Variants in KCNN2 observed in about 807,000 individuals in gnomAD.
KCNN2 encodes the protein small conductance calcium-activated potassium channel protein 2.
Under a neutral mutation model 55.5 loss-of-function variants are expected in KCNN2, and 24 were observed. The observed-to-expected ratio is 0.43, with a 90% CI of 0.31 to 0.61. The LOEUF is 0.61. KCNN2 is among the 20% of genes least tolerant of loss of function. The pLI is 0.08. For missense variants in KCNN2, 754 were observed against 853.6 expected, an observed-to-expected ratio of 0.88 and a Z score of 1.45; for synonymous variants, 431 against 336.1, an observed-to-expected ratio of 1.28 and a Z score of -3.09.
intron 1 of KCNN2, among the ~76,000 whole-genome samples, chr5:114,178,605 A>G (rs993330962): frequency 3.3e-5 from 5 of 152,148 alleles, no homozygotes; most frequent in African/African-American, 1.2e-4. Flanking sequence ...TAATTTTCCC[A>G]CTTCAATTCA....
At chr5:114,162,984 T>C (rs10036299) in intron 1 of KCNN2, among the ~76,000 whole-genome samples, 132,453 of 152,138 alleles carry the variant, frequency 0.87, 57,793 homozygotes, top group East Asian at 0.94. Flanking sequence ...CTTCGGCTCA[T>C]GCACGGTGCA....
At position 114,414,304 on chromosome 5, in the gene KCNN2, G is replaced by A. The variant is rs543444854; in HGVS notation, c.1637+9448G>A. ...TTTATAACCTTAGTCCATGTTAATG[G>A]ACTTGCTTACTATTATGAGAATTAA... On this transcript the variant is annotated intron_variant, in intron 3 of 7. Coordinates refer to ENST00000673685, the MANE Select transcript of KCNN2 (RefSeq NM_021614.4). 3.9e-5 allele frequency among the ~76,000 whole-genome samples: 6 copies of A among 152,184 alleles called. No individual in the cohort carries two copies. The South Asian group carries it at 1.2e-3, about 32-fold the overall frequency.
chr5:114,208,175 T>C (rs1294739677), intron 1 of KCNN2, among the ~76,000 whole-genome samples: 1 of 152,208 alleles, frequency 6.6e-6, no homozygotes, highest in African/African-American at 2.4e-5. Context: ...AAGTCAAGCA[T>C]ATATACAAAT....
At chr5:114,217,920 A>T (rs1204769325) in intron 1 of KCNN2, among the ~76,000 whole-genome samples, 2 of 152,194 alleles carry the variant, frequency 1.3e-5, no homozygotes, top group South Asian at 2.1e-4. Context: ...TGACCAAATT[A>T]AAAAAATGGG....
chr5:114,218,439 G>T (rs557594386), intron 1 of KCNN2, among the ~76,000 whole-genome samples: 1 of 152,288 alleles, frequency 6.6e-6, no homozygotes, highest in Admixed American at 6.5e-5. Flanking sequence ...GCCATGAAAG[G>T]AGGTGGAGAA....
At chr5:114,344,425 T>C (rs1757072227) in intron 2 of KCNN2, among the ~76,000 whole-genome samples, 1 of 152,154 alleles carries the variant, frequency 6.6e-6, no homozygotes, top group African/African-American at 2.4e-5. Flanking sequence ...CCTCTGGATG[T>C]GTTACCCTTT....
intron 1 of KCNN2, among the ~76,000 whole-genome samples, chr5:114,148,734 G>T (rs535702499): frequency 6.6e-6 from 1 of 152,236 alleles, no homozygotes; most frequent in African/African-American, 2.4e-5. Context: ...ACATATACAG[G>T]TTCCAAGATA....
At chr5:114,457,993 G>A (rs1357574748) in intron 3 of KCNN2, among the ~76,000 whole-genome samples, 1 of 152,184 alleles carries the variant, frequency 6.6e-6, no homozygotes, top group African/African-American at 2.4e-5. Flanking sequence ...CATCTTGGCT[G>A]AAAGCAAATT....
At position 114,320,061 on chromosome 5, in the gene KCNN2, G is replaced by T. The variant is rs1253305492; in HGVS notation, c.-184-40884G>T. Among the ~76,000 whole-genome samples the T allele has an allele frequency of 2.0e-5, 3 of 152,158 alleles. No individual in the cohort carries two copies. In the East Asian group the frequency reaches 5.8e-4, roughly 29 times the overall value. The stretch of plus-strand genomic sequence containing the variant: ...TACTCCACCATCTTTTTTTAAAATG[G>T]AAATTTTAACACATAAATAGAAACA... On this transcript the variant is annotated intron_variant, in intron 2 of 10. Coordinates refer to the KCNN2 transcript ENST00000512097.
chr5:114,262,133 C>A (rs555171937), intron 2 of KCNN2, among the ~76,000 whole-genome samples: 1 of 152,096 alleles, frequency 6.6e-6, no homozygotes, highest in Non-Finnish European at 1.5e-5. Context: ...TTGCTTGTGC[C>A]GATCTATATT....
At chr5:114,209,116 G>A (rs1032155320) in intron 1 of KCNN2, among the ~76,000 whole-genome samples, 1 of 151,692 alleles carries the variant, frequency 6.6e-6, no homozygotes, top group Admixed American at 6.6e-5. Context: ...GAGTGCAGTG[G>A]CACAATCCTG....
At chr5:114,409,656 G>A (rs1421854721) in intron 3 of KCNN2, among the ~76,000 whole-genome samples, 1 of 152,152 alleles carries the variant, frequency 6.6e-6, no homozygotes, top group Non-Finnish European at 1.5e-5. Context: ...GAAAGAGCTA[G>A]AGAAAAAGAG....
chr5:114,444,354 T>C (rs1177590234), intron 3 of KCNN2, among the ~76,000 whole-genome samples: 1 of 151,612 alleles, frequency 6.6e-6, no homozygotes, highest in African/African-American at 2.4e-5. Flanking sequence ...CTTCGGAATG[T>C]GAAGGACCAA....
intron 1 of KCNN2, among the ~76,000 whole-genome samples, chr5:114,201,258 C>G (rs1275762963): frequency 1.3e-5 from 2 of 151,948 alleles, no homozygotes; most frequent in Admixed American, 6.6e-5. Flanking sequence ...TCTCCTTTAT[C>G]CCTCCACTAA....
At chr5:114,487,010 C>T in intron 5 of KCNN2, 40 bp from the exon 6 acceptor site, 1 of 1,610,146 alleles carries the variant, frequency 6.2e-7, no homozygotes, top group Non-Finnish European at 8.5e-7. Context: ...AAGGATTCTG[C>T]TCTGGAATTT....
chr5:114,083,272 A>T (rs1370946853), intron 1 of KCNN2, among the ~76,000 whole-genome samples: 3 of 151,662 alleles, frequency 2.0e-5, no homozygotes, highest in African/African-American at 7.3e-5. Flanking sequence ...TATCTTTATT[A>T]TACCTCCTTT....
intron 2 of KCNN2, among the ~76,000 whole-genome samples, chr5:114,294,364 A>G (rs1755963125): frequency 1.3e-5 from 2 of 151,750 alleles, no homozygotes; most frequent in African/African-American, 2.4e-5. Context: ...ACTGCTTTGA[A>G]TGTGTCCCAG....
At chr5:114,325,140 G>A (rs545908380) in intron 2 of KCNN2, among the ~76,000 whole-genome samples, 124 of 152,262 alleles carry the variant, frequency 8.1e-4, no homozygotes, top group South Asian at 3.1e-3. Context: ...TCCAAATAAA[G>A]TGTTGAAGGT....
chr5:114,077,007 A>G (rs1750697464), intron 1 of KCNN2, among the ~76,000 whole-genome samples: 1 of 152,172 alleles, frequency 6.6e-6, no homozygotes, highest in African/African-American at 2.4e-5. Context: ...GAACTTTTTA[A>G]TAGTGATAAA....
Sources: gnomAD v4.1 joint callset for allele counts (sites outside exome capture counted in the v4.1 genomes callset) on GRCh38, gnomAD v4.1.1 for gene constraint, MANE v1.5 for transcripts, NCBI Gene and HGNC (gene_info 2026-07-23, HGNC 2026-07-21) for gene names.